POLR2F: variants seen among roughly 807,000 people sequenced by gnomAD.
POLR2F encodes DNA-directed RNA polymerases I, II, and III subunit RPABC2.
POLR2F carries 12 observed loss-of-function variants against 22.7 expected under a neutral mutation model. The ratio of observed to expected loss-of-function variants is 0.53; its 90% CI spans 0.34 to 0.86. POLR2F has a LOEUF of 0.86. Ranked by LOEUF, POLR2F falls within the 40% of genes least tolerant of loss-of-function variation. POLR2F has a pLI of 0.02. For missense variants in POLR2F, 126 were observed against 171.5 expected (o/e 0.73, Z 1.48); for synonymous variants, 57 against 66.0 (o/e 0.86, Z 0.66).
At chr22:38,028,515 TGTGTGTGCATGTGTGTGTGCGCATAC>T (rs1334569318), downstream of POLR2F, among the ~76,000 whole-genome samples, 1 of 151,994 alleles carries the variant, frequency 6.6e-6, no homozygotes, top group South Asian at 2.1e-4. Flanking sequence ...TGTGCGTACG[TGTGTGTGCATGTGTGTGTGCGCATAC>T]GTGTGTGCAT....
downstream of POLR2F, chr22:37,973,919 A>G (rs767448293): frequency 6.2e-7 from 1 of 1,610,216 alleles, no homozygotes; most frequent in Admixed American, 1.7e-5. Context: ...TCCACTGGCC[A>G]CGGCCAGGGC....
intron 1 of POLR2F, among the ~76,000 whole-genome samples, chr22:38,022,364 C>A (rs924865287): frequency 6.6e-6 from 1 of 151,588 alleles, no homozygotes. Context: ...CCAGCCTGAC[C>A]AACATGGTGA....
chr22:37,985,826 C>CACACAT (rs1932554851), upstream of POLR2F, among the ~76,000 whole-genome samples: 1 of 145,744 alleles, frequency 6.9e-6, no homozygotes, highest in East Asian at 2.0e-4. Context: ...GGAACACACA[C>CACACAT]ACACACACAC....
chr22:37,972,169 AGAGG>A, downstream of POLR2F: 1 of 835,482 alleles, frequency 1.2e-6, no homozygotes, highest in Non-Finnish European at 1.7e-6. Context: ...GGGTGGGGAA[AGAGG>A]GAGGGAGGTG....
intron 3 of POLR2F, among the ~76,000 whole-genome samples, chr22:37,966,827 C>T (rs1380789406): frequency 4.6e-5 from 7 of 152,186 alleles, no homozygotes; most frequent in African/African-American, 1.7e-4. Flanking sequence ...AGGCAAGGCT[C>T]TGGGGTTGGA....
downstream of POLR2F, among the ~76,000 whole-genome samples, chr22:38,031,307 T>C (rs1251413136): frequency 6.6e-6 from 1 of 152,130 alleles, no homozygotes; most frequent in Admixed American, 6.5e-5. This position sits in a 1 kb window ranked among gnomAD's most constrained non-coding sequence, Gnocchi z 4.1. Flanking sequence ...TGAGATGTTC[T>C]TGGCACGGAG....
chr22:38,029,493 G>T (rs975853448), downstream of POLR2F, among the ~76,000 whole-genome samples: 3 of 152,204 alleles, frequency 2.0e-5, no homozygotes, highest in Admixed American at 1.3e-4. Context: ...ATCAGTGTGT[G>T]CAGGGCACAG....
chr22:38,011,390 C>T (rs147515675), intron 1 of POLR2F, among the ~76,000 whole-genome samples: 389 of 152,180 alleles, frequency 2.6e-3, no homozygotes, highest in African/African-American at 8.8e-3. Flanking sequence ...CAGGTGTGAG[C>T]CACGGCACCC....
intron 5 of POLR2F, among the ~76,000 whole-genome samples, chr22:38,038,803 C>T (rs2085141972): frequency 6.6e-6 from 1 of 151,610 alleles, no homozygotes; most frequent in African/African-American, 2.4e-5. Context: ...CGCCGGCGCC[C>T]GCACCCCGGG....
intron 2 of POLR2F, 173 bp downstream of exon 2, chr22:37,957,015 G>A (rs1028726919): frequency 3.1e-6 from 2 of 636,282 alleles, no homozygotes; most frequent in Non-Finnish European, 5.7e-6. Context: ...AGCCCTGCAG[G>A]GTGGGCCTGA....
At chr22:37,985,956 C>A, upstream of POLR2F, 1 of 855,368 alleles carries the variant, frequency 1.2e-6, no homozygotes, top group Non-Finnish European at 1.7e-6. Flanking sequence ...CTCTCGCTTG[C>A]TGGCCTTGGA....
upstream of POLR2F, chr22:37,983,480 G>A (rs1932465548): frequency 1.2e-6 from 2 of 1,612,138 alleles, no homozygotes; most frequent in East Asian, 2.2e-5. The surrounding 1 kb of genome is among the most constrained non-coding windows in gnomAD (Gnocchi z 9.5). Flanking sequence ...CTTGACGTGC[G>A]GCTTGCTTTT....
chr22:38,022,128 C>CA (rs11315200), intron 1 of POLR2F, among the ~76,000 whole-genome samples: 2,753 of 134,412 alleles, frequency 0.02, 29 homozygotes, highest in Middle Eastern at 0.034. Flanking sequence ...GATACTGTCT[C>CA]AAAAAAAAAA....
At position 37,969,050 on chromosome 22, in the gene POLR2F, C is replaced by T. The variant is rs1931966440; in HGVS notation, c.*1335C>T. On this transcript the variant is annotated 3_prime_UTR_variant, in exon 5 of 5. Coordinates refer to ENST00000442738, the MANE Select transcript of POLR2F (RefSeq NM_021974.5). Reference sequence around the variant, plus strand: ...CCCCAGAGTGCGGGGGTCACTTTCTCGGCCCCATTTCTCTAAATGGTCTCT... The same window carrying T: ...CCCCAGAGTGCGGGGGTCACTTTCTTGGCCCCATTTCTCTAAATGGTCTCT... 7 of 985,340 alleles carry T rather than the reference C, an allele frequency of 7.1e-6. No individual in the cohort carries two copies. The highest frequency in any genetic ancestry group is 1.7e-5 in the African/African-American group (1 of 57,226). 61.0% of individuals were successfully genotyped at this position (985,340 alleles called of 1,614,324 possible).
Position 38,016,268 on chromosome 22 carries a change from G to T in POLR2F, c.121-9601G>T, listed in dbSNP as rs1405217014. Among the ~76,000 whole-genome samples, 1 of 152,214 alleles carries T rather than the reference G, an allele frequency of 6.6e-6. No homozygotes were observed. The highest frequency in any genetic ancestry group is 1.5e-5 in the Non-Finnish European group (1 of 68,042). On this transcript the variant is annotated intron_variant, in intron 1 of 2. Transcript: ENST00000333418. The surrounding 1 kb of genome is among the most constrained non-coding windows in gnomAD (Gnocchi z 4.4). ...GTGGGCTCTGACCACACCCTTGGGG[G>T]TCATTTCAGAAGGCCTCCTCCAATG...
intron 4 of POLR2F, among the ~76,000 whole-genome samples, chr22:37,976,311 T>G (rs1423514631): frequency 6.6e-6 from 1 of 152,242 alleles, no homozygotes; most frequent in Non-Finnish European, 1.5e-5. Context: ...TCCTCCCACC[T>G]CAGCCTCCTG....
chr22:37,967,685 G>C lies in POLR2F; in HGVS notation c.354G>C (p.Trp118Cys), dbSNP rs1245036219. Residue 118 changes from tryptophan to cysteine, a missense_variant, in exon 5 of 5, where the codon TGG becomes TGC. By Grantham distance (215) the Trp-to-Cys change is radical. Coordinates refer to ENST00000442738, the MANE Select transcript of POLR2F (RefSeq NM_021974.5). ...TGCCAGATGGGAGCTATGAAGACTG[G>C]GGGGTGGACGAGCTCATCATCACCG... ...RYLPDGSYED[W>C]GVDELIITD 1.2e-6 allele frequency: 2 copies of C among 1,613,858 alleles called. No homozygotes were observed. The highest frequency in any genetic ancestry group is 1.1e-5 in the South Asian group (1 of 91,054).
At chr22:37,956,093 C>CGG (rs971098218) in intron 1 of POLR2F, among the ~76,000 whole-genome samples, 1 of 149,814 alleles carries the variant, frequency 6.7e-6, no homozygotes. Flanking sequence ...TTTGCGGTGG[C>CGG]GGGGGGGGGT....
Position 38,017,007 on chromosome 22 carries a change from C to T in POLR2F, c.121-8862C>T, listed in dbSNP as rs2084921643. On this transcript the variant is annotated intron_variant, in intron 1 of 2. Coordinates refer to the POLR2F transcript ENST00000333418. The surrounding 1 kb of genome is among the most constrained non-coding windows in gnomAD (Gnocchi z 4.1). ...GGGGCAGCGCAAGGGGCCAGCCAGC[C>T]CCCCACCCCAGCCTCTGCTGCCTGG... is the stretch of plus-strand genomic sequence containing the variant. 6.6e-6 allele frequency among the ~76,000 whole-genome samples: 1 copy of T among 152,054 alleles called. No individual in the cohort carries two copies. Among genetic ancestry groups the T allele is most frequent in the African/African-American group, 2.4e-5 (1 of 41,396 alleles).
Sources: allele counts gnomAD v4.1 joint callset (sites outside exome capture counted in the v4.1 genomes callset), GRCh38; gene constraint gnomAD v4.1.1; non-coding constraint Gnocchi (gnomAD v3.1); transcripts MANE v1.5; gene names NCBI Gene and HGNC (gene_info 2026-07-23, HGNC 2026-07-21).